The following CPED1 variants were observed in gnomAD, a reference collection of about 807,000 sequenced individuals.
CPED1 encodes the protein cadherin like and PC-esterase domain containing 1, also known as cadherin-like and PC-esterase domain-containing protein 1.
Under a neutral mutation model 128.2 loss-of-function variants are expected in CPED1, and 114 were observed. The observed-to-expected ratio is 0.89, with a 90% CI of 0.76 to 1.04. The LOEUF (loss-of-function observed/expected upper bound fraction) is 1.04. Ranked by LOEUF, CPED1 falls within the 50% of genes least tolerant of loss-of-function variation. The pLI is 0.00. For missense variants in CPED1, 1,211 were observed against 1,207.1 expected, an observed-to-expected ratio of 1.00 and a Z score of -0.05; for synonymous variants, 462 against 426.7, an observed-to-expected ratio of 1.08 and a Z score of -1.02.
At chr7:121,270,350 T>A (rs560054282) in intron 21 of CPED1, among the ~76,000 whole-genome samples, 7 of 152,252 alleles carry the variant, frequency 4.6e-5, no homozygotes, top group African/African-American at 1.7e-4. Flanking sequence ...GTTTGCTTTG[T>A]TGATAGTTTC....
At chr7:121,129,313 G>GTA (rs71530055) in intron 11 of CPED1, among the ~76,000 whole-genome samples, 1,082 of 26,784 alleles carry the variant, frequency 0.04, 18 homozygotes, top group African/African-American at 0.082. Context: ...ATATATATAC[G>GTA]TATATATATA....
At chr7:121,219,743 G>T (rs913575476) in intron 16 of CPED1, among the ~76,000 whole-genome samples, 4 of 151,972 alleles carry the variant, frequency 2.6e-5, no homozygotes, top group Non-Finnish European at 5.9e-5. Context: ...AACATAAACA[G>T]CAAGGGAAGC....
intron 4 of CPED1, among the ~76,000 whole-genome samples, chr7:121,053,395 G>A (rs1793409948): frequency 6.6e-6 from 1 of 152,022 alleles, no homozygotes; most frequent in South Asian, 2.1e-4. Flanking sequence ...ATTTGGATTG[G>A]TCTGATGATT....
intron 3 of CPED1, among the ~76,000 whole-genome samples, chr7:121,042,773 G>T (rs1328024480): frequency 6.6e-6 from 1 of 152,204 alleles, no homozygotes; most frequent in African/African-American, 2.4e-5. Flanking sequence ...TTGGCACATT[G>T]TAAGTTCTGA....
intron 3 of CPED1, among the ~76,000 whole-genome samples, chr7:121,028,920 C>T (rs1792663260): frequency 6.6e-6 from 1 of 152,086 alleles, no homozygotes; most frequent in South Asian, 2.1e-4. Flanking sequence ...ACATTTTATG[C>T]AGTTTTCTAG....
intron 7 of CPED1, among the ~76,000 whole-genome samples, chr7:121,101,249 T>C (rs1794843157): frequency 6.6e-6 from 1 of 152,064 alleles, no homozygotes; most frequent in Non-Finnish European, 1.5e-5. Flanking sequence ...GGTTTTTTTT[T>C]TCCTCAAAAA....
rs77085663 is a variant in CPED1, at chr7:121,146,898, A to G, written c.2055+4757A>G. Among the ~76,000 whole-genome samples the G allele has an allele frequency of 7.0e-3, 1,067 of 152,260 alleles. 58 individuals carry two copies. The South Asian group carries it at 0.13, about 19-fold the overall frequency. On this transcript the variant is annotated intron_variant, in intron 16 of 22. Transcript: ENST00000310396. ...ACCAGATTGGGATTAGAGTTTCTCA[A>G]TCTCGGCACTGTTGACATTTGAAGC...
intron 16 of CPED1, among the ~76,000 whole-genome samples, chr7:121,155,971 A>C (rs1025392163): frequency 2.0e-5 from 3 of 152,190 alleles, no homozygotes; most frequent in Non-Finnish European, 4.4e-5. Context: ...TTCAATAACT[A>C]AAATATGTAA....
At chr7:121,186,449 A>ATTTT (rs1797005050) in intron 16 of CPED1, among the ~76,000 whole-genome samples, 1 of 152,120 alleles carries the variant, frequency 6.6e-6, no homozygotes, top group African/African-American at 2.4e-5. Context: ...GCATCTATGA[A>ATTTT]AAAGCTGTCC....
At chr7:121,248,448 G>A (rs886392927) in intron 18 of CPED1, among the ~76,000 whole-genome samples, 2 of 152,138 alleles carry the variant, frequency 1.3e-5, no homozygotes, top group African/African-American at 2.4e-5. Flanking sequence ...ATACTACAGA[G>A]CATGGCTGCA....
chr7:121,271,409 G>C lies in CPED1; in HGVS notation c.2847G>C (p.Lys949Asn). ...GTTACAAAGAGTTTCTACAGGGGAA[G>C]TGTGGATGTCATTTCCATGAGGTAT... ...MGRYKEFLQG[K>N]CGCHFHEVVK... The change falls in exon 22 of 23, where the codon AAG (lysine) becomes AAC (asparagine). Residue 949 changes from lysine (K) to asparagine (N), a missense_variant. Transcript: ENST00000310396. 1 of 1,612,720 alleles carries C rather than the reference G, an allele frequency of 6.2e-7. No individual in the cohort carries two copies. Among genetic ancestry groups the C allele is most frequent in the Non-Finnish European group, 8.5e-7 (1 of 1,179,102 alleles).
intron 7 of CPED1, among the ~76,000 whole-genome samples, chr7:121,108,817 C>A (rs773967697): frequency 1.3e-5 from 2 of 151,990 alleles, no homozygotes; most frequent in Non-Finnish European, 2.9e-5. Context: ...CCATAAAACT[C>A]TAGTCTAAGC....
intron 16 of CPED1, among the ~76,000 whole-genome samples, chr7:121,178,114 G>A (rs1057105927): frequency 1.3e-5 from 2 of 152,048 alleles, no homozygotes; most frequent in African/African-American, 4.8e-5. Context: ...TAGTAGCAGA[G>A]AGGACCTCAC....
At chr7:121,009,981 C>T (rs1792118802) in intron 2 of CPED1, among the ~76,000 whole-genome samples, 1 of 152,154 alleles carries the variant, frequency 6.6e-6, no homozygotes, top group Non-Finnish European at 1.5e-5. Flanking sequence ...TTTATGTATT[C>T]ATTCATTTGC....
intron 18 of CPED1, chr7:121,261,774 A>G (rs1792023840): frequency 1.3e-6 from 2 of 1,529,816 alleles, no homozygotes; most frequent in Admixed American, 2.0e-5. Context: ...TGAGAGAGTA[A>G]TAAACTTTAA....
intron 18 of CPED1, among the ~76,000 whole-genome samples, chr7:121,263,761 A>T (rs4609139): frequency 0.31 from 47,402 of 151,828 alleles, 7,702 homozygotes; most frequent in Middle Eastern, 0.45. Context: ...CACAATACAG[A>T]TATCTAGGGA....
At chr7:121,068,550 A>T (rs971078154) in intron 5 of CPED1, among the ~76,000 whole-genome samples, 33 of 151,612 alleles carry the variant, frequency 2.2e-4, no homozygotes, top group African/African-American at 8.1e-4. Flanking sequence ...AGGTAGTGTG[A>T]TGCCTCCAGC....
intron 4 of CPED1, among the ~76,000 whole-genome samples, chr7:121,056,124 C>G (rs1297539159): frequency 1.3e-5 from 2 of 151,886 alleles, no homozygotes; most frequent in Non-Finnish European, 2.9e-5. Flanking sequence ...AATCAGAAAA[C>G]AGTTTATATG....
chr7:121,241,822 T>G (rs1200110090), intron 17 of CPED1, among the ~76,000 whole-genome samples: 1 of 152,228 alleles, frequency 6.6e-6, no homozygotes, highest in African/African-American at 2.4e-5. Flanking sequence ...TCAGGCACTA[T>G]GGCAGGTGTT....
Sources: gnomAD v4.1 joint callset for allele counts (sites outside exome capture counted in the v4.1 genomes callset) on GRCh38, gnomAD v4.1.1 for gene constraint, MANE v1.5 for transcripts, NCBI Gene and HGNC (gene_info 2026-07-23, HGNC 2026-07-21) for gene names.